The following MICU1 variants were observed in gnomAD, a reference collection of about 807,000 sequenced individuals.
The protein encoded by MICU1 is mitochondrial calcium uptake 1, also known as calcium uptake protein 1, mitochondrial.
In MICU1, 45 loss-of-function variants were observed where a neutral mutation model predicts 56.8. That is an observed-to-expected ratio of 0.79 (90% CI 0.62 to 1.02). The LOEUF (loss-of-function observed/expected upper bound fraction) is 1.02, where lower values mean the gene tolerates loss of function less well. Ranked by LOEUF, MICU1 falls within the 50% of genes least tolerant of loss-of-function variation. The pLI is 0.00. For synonymous variants in MICU1, 186 were observed against 195.1 expected (o/e 0.95, Z 0.39); for missense variants, 504 against 587.1 (o/e 0.86, Z 1.46).
At chr10:72,621,469 G>C (rs1053177750) in intron 1 of MICU1, among the ~76,000 whole-genome samples, 39 of 152,152 alleles carry the variant, frequency 2.6e-4, no homozygotes, top group Admixed American at 2.6e-3. Context: ...TCCAGCCTGG[G>C]CGACAAGTGT....
intron 8 of MICU1, among the ~76,000 whole-genome samples, chr10:72,469,438 A>C (rs1408267216): frequency 6.6e-6 from 1 of 152,208 alleles, no homozygotes; most frequent in Non-Finnish European, 1.5e-5. Context: ...GGCTGTGATG[A>C]TGAGATTATA....
At chr10:72,582,700 T>C (rs1840932891) in intron 1 of MICU1, 1 of 151,644 alleles carries the variant, frequency 6.6e-6, no homozygotes, top group Admixed American at 6.6e-5. Flanking sequence ...AGATCACTTG[T>C]GCCCAGGAGG....
chr10:72,481,334 C>A (rs1866287145), intron 6 of MICU1, among the ~76,000 whole-genome samples: 1 of 152,180 alleles, frequency 6.6e-6, no homozygotes. Context: ...AAGCTTATGG[C>A]ATCCTGTGTT....
At chr10:72,521,181 T>A (rs1225303934) in intron 5 of MICU1, among the ~76,000 whole-genome samples, 2 of 152,102 alleles carry the variant, frequency 1.3e-5, no homozygotes, top group East Asian at 3.9e-4. Context: ...TGGAAAAAAA[T>A]TTGTATAAGA....
intron 1 of MICU1, among the ~76,000 whole-genome samples, chr10:72,625,588 A>G (rs1439984575): frequency 6.6e-6 from 1 of 152,210 alleles, no homozygotes; most frequent in Non-Finnish European, 1.5e-5. Context: ...TTCAGTGGTT[A>G]ATATTTCTCC....
chr10:72,478,042 T>C (rs1314376038), intron 6 of MICU1, among the ~76,000 whole-genome samples: 4 of 152,080 alleles, frequency 2.6e-5, no homozygotes, highest in Non-Finnish European at 4.4e-5. Flanking sequence ...CTAATTTTTG[T>C]ATTTTTAGCA....
chr10:72,417,453 CAAAA>C (rs869171199), intron 9 of MICU1, among the ~76,000 whole-genome samples: 3 of 66,460 alleles, frequency 4.5e-5, no homozygotes, highest in Non-Finnish European at 3.0e-5. Flanking sequence ...GACTCCGTCT[CAAAA>C]AAAAAAAAAA....
At chr10:72,454,355 G>A (rs1400032719) in intron 8 of MICU1, among the ~76,000 whole-genome samples, 1 of 152,026 alleles carries the variant, frequency 6.6e-6, no homozygotes, top group East Asian at 2.0e-4. Flanking sequence ...TCGGGAGGCT[G>A]AGGCAGGAGA....
intron 1 of MICU1, among the ~76,000 whole-genome samples, chr10:72,593,355 T>C (rs559083689): frequency 6.6e-6 from 1 of 151,926 alleles, no homozygotes; most frequent in South Asian, 2.1e-4. Context: ...ATCCCAGCAC[T>C]TTGGGAGGCT....
intron 6 of MICU1, chr10:72,477,524 A>C: frequency 6.5e-7 from 1 of 1,535,664 alleles, no homozygotes; most frequent in Non-Finnish European, 8.7e-7. Flanking sequence ...GCCTTAAATG[A>C]TTTAGCTTTG....
intron 5 of MICU1, among the ~76,000 whole-genome samples, chr10:72,510,926 C>T (rs946185693): frequency 6.6e-5 from 10 of 152,238 alleles, no homozygotes; most frequent in African/African-American, 2.2e-4. Flanking sequence ...GCCACTGCGA[C>T]CAGCCAAATC....
At chr10:72,474,955 C>A (rs1866067109) in intron 8 of MICU1, 145 bp downstream of exon 8, 1 of 653,142 alleles carries the variant, frequency 1.5e-6, no homozygotes, top group Non-Finnish European at 2.5e-6. Flanking sequence ...TGTTTCCTAT[C>A]TGCTGTCAGT....
intron 1 of MICU1, among the ~76,000 whole-genome samples, chr10:72,614,417 G>C (rs999997080): frequency 3.9e-5 from 6 of 152,170 alleles, no homozygotes. Context: ...ATAGATATTT[G>C]TACAGCCATG....
intron 5 of MICU1, among the ~76,000 whole-genome samples, chr10:72,525,480 A>T (rs1867935961): frequency 6.6e-6 from 1 of 152,224 alleles, no homozygotes; most frequent in South Asian, 2.1e-4. Context: ...ACACAGGACA[A>T]CTGAGACATG....
intron 6 of MICU1, 83 bp from the exon 7 acceptor site, chr10:72,477,339 TA>T: frequency 1.7e-6 from 2 of 1,205,242 alleles, no homozygotes; most frequent in Non-Finnish European, 2.3e-6. Context: ...GGCTAAACAC[TA>T]AAATGTAATA....
chr10:72,400,291 C>G (rs982719806), intron 10 of MICU1, among the ~76,000 whole-genome samples: 2 of 152,098 alleles, frequency 1.3e-5, no homozygotes, highest in East Asian at 3.9e-4. Flanking sequence ...TTTGCTAACA[C>G]TACCCTGAAT....
rs561417941 is a variant in MICU1, at chr10:72,594,805, G to A, written c.-1-28011C>T. 4.6e-5 allele frequency among the ~76,000 whole-genome samples: 7 copies of A among 151,674 alleles called. No homozygotes were observed. In the South Asian group the frequency reaches 1.2e-3, roughly 27 times the overall value. Reference sequence around the variant, plus strand: ...TGCACCTGTAGTCCCAGCTACTGGGGAGGCTGAGGAAGGACGATCACTTGA... The same window carrying A: ...TGCACCTGTAGTCCCAGCTACTGGGAAGGCTGAGGAAGGACGATCACTTGA... On this transcript the variant is annotated intron_variant, in intron 1 of 11. Transcript: ENST00000361114.
intron 1 of MICU1, among the ~76,000 whole-genome samples, chr10:72,574,633 G>A (rs536132928): frequency 5.3e-5 from 8 of 152,182 alleles, no homozygotes; most frequent in African/African-American, 1.4e-4. Flanking sequence ...AGAAGAGTAT[G>A]TCAGTCTAAA....
At chr10:72,423,945 G>A (rs1393799480) in intron 8 of MICU1, among the ~76,000 whole-genome samples, 2 of 152,176 alleles carry the variant, frequency 1.3e-5, no homozygotes, top group East Asian at 1.9e-4. Flanking sequence ...CACGAAATAA[G>A]AAAGTTAAGA....
Sources: gnomAD v4.1 joint callset for allele counts (sites outside exome capture counted in the v4.1 genomes callset) on GRCh38, gnomAD v4.1.1 for gene constraint, MANE v1.5 for transcripts, NCBI Gene and HGNC (gene_info 2026-07-23, HGNC 2026-07-21) for gene names.